NPAS3: variants seen among roughly 807,000 people sequenced by gnomAD.
NPAS3 encodes the protein neuronal PAS domain protein 3.
Under a neutral mutation model 73.1 loss-of-function variants are expected in NPAS3, and 14 were observed. That is an observed-to-expected ratio of 0.19 (90% CI 0.13 to 0.30). The LOEUF is 0.30. NPAS3 is among the 10% of genes least tolerant of loss of function. The pLI is 1.00. For missense variants in NPAS3, 1,096 were observed against 1,250.0 expected, an observed-to-expected ratio of 0.88 and a Z score of 1.86; for synonymous variants, 620 against 541.5, an observed-to-expected ratio of 1.14 and a Z score of -2.01.
At chr14:33,038,475 C>T (rs2040241842) in intron 1 of NPAS3, among the ~76,000 whole-genome samples, 1 of 152,014 alleles carries the variant, frequency 6.6e-6, no homozygotes. Context: ...ACCAGTGTTT[C>T]AGAAATAATG....
chr14:33,354,992 C>CT (rs572251404), intron 3 of NPAS3, among the ~76,000 whole-genome samples: 211 of 152,214 alleles, frequency 1.4e-3, no homozygotes, highest in African/African-American at 4.7e-3. Flanking sequence ...CCTCTGTGCT[C>CT]TAACTTTTCA....
At chr14:33,028,046 AC>A (rs906087992) in intron 1 of NPAS3, among the ~76,000 whole-genome samples, 2 of 152,150 alleles carry the variant, frequency 1.3e-5, no homozygotes, top group African/African-American at 4.8e-5. Context: ...ATAAAATGTC[AC>A]TTTTTTATGA....
upstream of NPAS3, among the ~76,000 whole-genome samples, chr14:32,935,359 G>T (rs1343586952): frequency 1.3e-5 from 2 of 152,168 alleles, no homozygotes; most frequent in Non-Finnish European, 2.9e-5. Flanking sequence ...TGCCTCAGCC[G>T]GATGCGGACC....
intron 7 of NPAS3, among the ~76,000 whole-genome samples, chr14:33,764,443 T>C (rs537223042): frequency 6.6e-6 from 1 of 152,204 alleles, no homozygotes; most frequent in Admixed American, 6.5e-5. Context: ...AAATAGAAAA[T>C]ATTTACGTAA....
At chr14:33,794,244 G>A (rs1160840077) in intron 10 of NPAS3, among the ~76,000 whole-genome samples, 200 bp downstream of exon 10, 3 of 152,202 alleles carry the variant, frequency 2.0e-5, no homozygotes, top group African/African-American at 7.2e-5. Flanking sequence ...GGGACTTGCA[G>A]GAAAGATTTC....
chr14:33,551,248 C>T (rs73269073), intron 4 of NPAS3, among the ~76,000 whole-genome samples: 69 of 152,272 alleles, frequency 4.5e-4, no homozygotes, highest in African/African-American at 1.5e-3. Context: ...TTAGTGTCTG[C>T]GGTCTCTAAA....
chr14:33,313,073 G>C (rs1012778754), intron 3 of NPAS3, among the ~76,000 whole-genome samples: 9 of 151,958 alleles, frequency 5.9e-5, no homozygotes, highest in African/African-American at 2.2e-4. Context: ...GAGGTGGCAG[G>C]GGGTGTTTTT....
chr14:33,769,513 C>T (rs1200295878), intron 7 of NPAS3, among the ~76,000 whole-genome samples: 1 of 152,184 alleles, frequency 6.6e-6, no homozygotes, highest in Non-Finnish European at 1.5e-5. Flanking sequence ...ATCTGGGCCC[C>T]ATCTCTGTCT....
intron 3 of NPAS3, among the ~76,000 whole-genome samples, chr14:33,249,820 G>A (rs74042006): frequency 0.011 from 1,701 of 151,992 alleles, 41 homozygotes; most frequent in African/African-American, 0.039. Context: ...AAAACCTTGC[G>A]TTTATGCTTT....
At chr14:33,339,617 C>T (rs1034860869) in intron 3 of NPAS3, among the ~76,000 whole-genome samples, 4 of 152,008 alleles carry the variant, frequency 2.6e-5, no homozygotes, top group African/African-American at 4.8e-5. Flanking sequence ...AAAATTAGTT[C>T]TTATTAGAAA....
intron 1 of NPAS3, among the ~76,000 whole-genome samples, chr14:32,977,496 C>T (rs2037736533): frequency 6.6e-6 from 1 of 152,106 alleles, no homozygotes; most frequent in African/African-American, 2.4e-5. Context: ...CTTTGAGGGG[C>T]TGAGGTGGGT....
intron 2 of NPAS3, among the ~76,000 whole-genome samples, chr14:33,085,613 C>G (rs556819347): frequency 6.0e-4 from 91 of 152,286 alleles, no homozygotes; most frequent in Non-Finnish European, 1.1e-3. Flanking sequence ...GCTGAGCCCC[C>G]CCAACACACT....
chr14:32,986,211 C>T (rs547216734), intron 1 of NPAS3, among the ~76,000 whole-genome samples: 301 of 152,268 alleles, frequency 2.0e-3, no homozygotes, highest in African/African-American at 7.0e-3. Context: ...AAAACTGGTT[C>T]CATTTCCCTC....
chr14:33,712,635 G>A (rs1386202406), intron 6 of NPAS3, among the ~76,000 whole-genome samples: 1 of 152,144 alleles, frequency 6.6e-6, no homozygotes, highest in Non-Finnish European at 1.5e-5. Context: ...CCCACCAACA[G>A]TTCCTATGGC....
At chr14:33,019,822 C>T (rs958753758) in intron 1 of NPAS3, among the ~76,000 whole-genome samples, 1 of 152,134 alleles carries the variant, frequency 6.6e-6, no homozygotes, top group African/African-American at 2.4e-5. Flanking sequence ...TTTGGTCGGG[C>T]CGGGATCTAT....
chr14:33,692,409 GTTT>G (rs2060258599), intron 6 of NPAS3, among the ~76,000 whole-genome samples: 1 of 152,104 alleles, frequency 6.6e-6, no homozygotes, highest in African/African-American at 2.4e-5. Context: ...ACCAAAAGAG[GTTT>G]TTATTATTTT....
At chr14:33,028,874 T>G (rs2039896360) in intron 1 of NPAS3, among the ~76,000 whole-genome samples, 1 of 152,182 alleles carries the variant, frequency 6.6e-6, no homozygotes, top group Admixed American at 6.5e-5. Context: ...TGCGCAGGTT[T>G]GTTACATAGG....
At chr14:33,171,452 T>G (rs2045385419) in intron 2 of NPAS3, among the ~76,000 whole-genome samples, 1 of 152,194 alleles carries the variant, frequency 6.6e-6, no homozygotes, top group African/African-American at 2.4e-5. Context: ...CCATCAGCAC[T>G]TGCTGCTTCA....
At chr14:33,261,311 A>AAG (rs1566734953) in intron 3 of NPAS3, among the ~76,000 whole-genome samples, 1 of 151,452 alleles carries the variant, frequency 6.6e-6, no homozygotes, top group Non-Finnish European at 1.5e-5. Context: ...TAAAAAAAAA[A>AAG]AGAACTCATT....
Sources: gnomAD v4.1 joint callset for allele counts (sites outside exome capture counted in the v4.1 genomes callset) on GRCh38, gnomAD v4.1.1 for gene constraint, MANE v1.5 for transcripts, NCBI Gene and HGNC (gene_info 2026-07-23, HGNC 2026-07-21) for gene names.